Variants in MGST2 observed in about 807,000 individuals in gnomAD.
The protein encoded by MGST2 is glutathione peroxidase MGST2.
Under a neutral mutation model 16.6 loss-of-function variants are expected in MGST2, and 9 were observed. That is an observed-to-expected ratio of 0.54 (90% CI 0.33 to 0.95). The LOEUF (loss-of-function observed/expected upper bound fraction) is 0.95, where lower values mean the gene tolerates loss of function less well. Ranked by LOEUF, MGST2 falls within the 40% of genes least tolerant of loss-of-function variation. The pLI is 0.03. For synonymous variants in MGST2, 79 were observed against 68.0 expected, an observed-to-expected ratio of 1.16 and a Z score of -0.79; for missense variants, 159 against 175.1, an observed-to-expected ratio of 0.91 and a Z score of 0.52.
chr4:139,754,494 G>A, the MGST2 span, among the ~76,000 whole-genome samples: 1 of 152,130 alleles, frequency 6.6e-6, no homozygotes, highest in Non-Finnish European at 1.5e-5. Context: ...TTAACCAATT[G>A]CCTATTGTTG....
intron 5 of MGST2, among the ~76,000 whole-genome samples, chr4:139,710,892 G>C (rs1727712808): frequency 6.6e-6 from 1 of 152,110 alleles, no homozygotes; most frequent in South Asian, 2.1e-4. Context: ...AAGTGGAGAG[G>C]TGGATTCACA....
At chr4:139,750,470 T>C in the MGST2 span, among the ~76,000 whole-genome samples, 2 of 152,224 alleles carry the variant, frequency 1.3e-5, no homozygotes, top group African/African-American at 4.8e-5. Flanking sequence ...GGTGCAGTTT[T>C]GGGCTTTCTT....
At chr4:139,702,128 T>C (rs1727284393) in intron 3 of MGST2, among the ~76,000 whole-genome samples, 1 of 152,104 alleles carries the variant, frequency 6.6e-6, no homozygotes, top group South Asian at 2.1e-4. Context: ...AGGGAAGACA[T>C]TGATATGTAT....
In MGST2 at chr4:139,678,568, G is replaced by A; in HGVS notation, c.84G>A (p.Lys28=). Residue 28 remains lysine (K), a synonymous_variant, in exon 2 of 5, where the codon AAG becomes AAA. Coordinates refer to ENST00000265498, the MANE Select transcript of MGST2 (RefSeq NM_002413.5). ...QQSYFALQVG[K]ARLKYKVTPP... Reference sequence around the variant, plus strand: ...GTTATTTTGCTTTGCAAGTTGGAAAGGCAAGATTAAAATACAAAGTTACGC... The same window carrying A: ...GTTATTTTGCTTTGCAAGTTGGAAAAGCAAGATTAAAATACAAAGTTACGC... 6.2e-7 allele frequency: 1 copy of A among 1,613,980 alleles called. No homozygotes were observed. The highest frequency in any genetic ancestry group is 2.2e-5 in the East Asian group (1 of 44,876).
chr4:139,710,475 G>C (rs933146011), intron 5 of MGST2, among the ~76,000 whole-genome samples: 5 of 152,120 alleles, frequency 3.3e-5, no homozygotes, highest in Non-Finnish European at 5.9e-5. Context: ...GAATTGATTG[G>C]AACTAGGAGT....
At chr4:139,675,597 G>T (rs1730917399) in intron 1 of MGST2, among the ~76,000 whole-genome samples, 1 of 152,254 alleles carries the variant, frequency 6.6e-6, no homozygotes, top group African/African-American at 2.4e-5. Context: ...AATGGAAAGT[G>T]ATTGGCCCAC....
At chr4:139,710,254 C>G (rs183495858) in intron 5 of MGST2, among the ~76,000 whole-genome samples, 45 of 152,328 alleles carry the variant, frequency 3.0e-4, no homozygotes, top group African/African-American at 1.1e-3. Flanking sequence ...GTTCCTTAAT[C>G]ACCAGTGAAA....
At chr4:139,673,530 C>G (rs945873371) in intron 1 of MGST2, among the ~76,000 whole-genome samples, 12 of 152,306 alleles carry the variant, frequency 7.9e-5, no homozygotes, top group South Asian at 2.1e-4. Flanking sequence ...ACTCAGCCTC[C>G]TAAGTAGCTG....
intron 5 of MGST2, chr4:139,725,645 A>AT: frequency 4.5e-6 from 5 of 1,112,062 alleles, no homozygotes; most frequent in South Asian, 1.3e-5. Context: ...TATTTTGAGT[A>AT]TTTCCTGGAC....
chr4:139,691,857 C>A (rs773054500), intron 2 of MGST2, among the ~76,000 whole-genome samples: 1 of 152,096 alleles, frequency 6.6e-6, no homozygotes, highest in Non-Finnish European at 1.5e-5. Flanking sequence ...CGCCACCACG[C>A]CCGGCTAATT....
At chr4:139,688,218 CT>C (rs903725910) in intron 2 of MGST2, among the ~76,000 whole-genome samples, 1 of 152,078 alleles carries the variant, frequency 6.6e-6, no homozygotes, top group African/African-American at 2.4e-5. Flanking sequence ...AATTCTTCAG[CT>C]TTTTTTCTCC....
intron 5 of MGST2, among the ~76,000 whole-genome samples, chr4:139,736,836 C>T (rs955765733): frequency 6.6e-6 from 1 of 152,170 alleles, no homozygotes; most frequent in Non-Finnish European, 1.5e-5. Flanking sequence ...TAATCCTGTG[C>T]CCTGATTAGA....
intron 2 of MGST2, among the ~76,000 whole-genome samples, chr4:139,679,968 A>G (rs544299987): frequency 6.6e-6 from 1 of 152,340 alleles, no homozygotes; most frequent in Admixed American, 6.5e-5. Context: ...TTATGACAAC[A>G]AATAACTCTT....
chr4:139,724,217 C>T (rs562842501), intron 5 of MGST2, among the ~76,000 whole-genome samples: 1 of 152,106 alleles, frequency 6.6e-6, no homozygotes, highest in African/African-American at 2.4e-5. Flanking sequence ...CTACTCAAGA[C>T]CCAGTATTTT....
At chr4:139,674,250 A>G (rs1384150048) in intron 1 of MGST2, among the ~76,000 whole-genome samples, 1 of 152,216 alleles carries the variant, frequency 6.6e-6, no homozygotes, top group Non-Finnish European at 1.5e-5. Flanking sequence ...TCAGATGTAC[A>G]TTGGTTCAGT....
intron 1 of MGST2, among the ~76,000 whole-genome samples, chr4:139,675,259 T>C (rs1730901353): frequency 6.6e-6 from 1 of 152,184 alleles, no homozygotes; most frequent in Admixed American, 6.5e-5. Context: ...TTTCCGTGCT[T>C]GAGGTGGCTA....
rs143629781 is a variant in MGST2 at position 139,681,000 on chromosome 4, C to T, written c.158+2358C>T. On this transcript the variant is annotated intron_variant, in intron 2 of 4. Coordinates refer to ENST00000265498, the MANE Select transcript of MGST2 (RefSeq NM_002413.5). ...GTGAGGCCTTTTCACAGCCTGAAAA[C>T]TCATGTCCTTCTGTTTTAGAATTTT... Among the ~76,000 whole-genome samples the T allele has an allele frequency of 1.9e-3, 284 of 150,504 alleles. 1 individual carries two copies. The highest frequency in any genetic ancestry group is 6.6e-3 in the African/African-American group (268 of 40,626).
chr4:139,737,140 G>C (rs747597925), intron 5 of MGST2, among the ~76,000 whole-genome samples: 12 of 152,216 alleles, frequency 7.9e-5, no homozygotes, highest in Non-Finnish European at 1.6e-4. Context: ...GACATCCCTA[G>C]ACTTACAAGT....
chr4:139,718,120 C>G (rs962521063), intron 5 of MGST2: 2 of 152,126 alleles, frequency 1.3e-5, no homozygotes, highest in Non-Finnish European at 2.9e-5. Flanking sequence ...CCAAAGGGAG[C>G]CTGAACCAGT....
Sources: allele counts gnomAD v4.1 joint callset (sites outside exome capture counted in the v4.1 genomes callset), GRCh38; gene constraint gnomAD v4.1.1; transcripts MANE v1.5; gene names NCBI Gene and HGNC (gene_info 2026-07-23, HGNC 2026-07-21).